Variants in RELN observed in about 807,000 individuals in gnomAD.
RELN encodes the protein reelin.
Under a neutral mutation model 427.6 loss-of-function variants are expected in RELN, and 108 were observed. That is an observed-to-expected ratio of 0.25 (90% CI 0.22 to 0.30). The LOEUF (loss-of-function observed/expected upper bound fraction) is 0.30, where lower values mean the gene tolerates loss of function less well. Ranked by LOEUF, RELN falls within the 10% of genes least tolerant of loss-of-function variation. The pLI is 1.00. For synonymous variants in RELN, 1,524 were observed against 1,513.4 expected, an observed-to-expected ratio of 1.01 and a Z score of -0.16; for missense variants, 3,715 against 4,302.8, an observed-to-expected ratio of 0.86 and a Z score of 3.82.
chr7:103,556,773 C>A (rs1051469360), intron 38 of RELN, among the ~76,000 whole-genome samples: 3 of 152,194 alleles, frequency 2.0e-5, no homozygotes, highest in Non-Finnish European at 2.9e-5. Flanking sequence ...TCCGATTAAA[C>A]CTCTTTTTCT....
chr7:103,485,229 CAAAAAA>C (rs35324403), intron 61 of RELN, among the ~76,000 whole-genome samples: 2 of 96,492 alleles, frequency 2.1e-5, no homozygotes, highest in East Asian at 3.0e-4. Flanking sequence ...TTTGGCAGGC[CAAAAAA>C]AAAAAAAAAA....
At chr7:103,850,662 A>G (rs28803202) in intron 2 of RELN, among the ~76,000 whole-genome samples, 21,456 of 152,122 alleles carry the variant, frequency 0.14, 1,715 homozygotes, top group East Asian at 0.29. Flanking sequence ...AAGAACTAAA[A>G]CCTCTTTCTT....
Position 103,565,946 on chromosome 7 carries a change from A to G in RELN, c.4936+278T>C, listed in dbSNP as rs201209835. Among the ~76,000 whole-genome samples, 21 of 147,568 alleles carry G rather than the reference A, an allele frequency of 1.4e-4. No homozygotes were observed. The East Asian group carries it at 4.0e-3, about 28-fold the overall frequency. On this transcript the variant is annotated intron_variant, in intron 33 of 64. Coordinates refer to ENST00000428762, the MANE Select transcript of RELN (RefSeq NM_005045.4). ...TTAAACATAGAGTCTTAAGTCTACA[A>G]GTTATGAAACATAGGAATGTCCTCT...
At chr7:103,934,171 C>G (rs1795927618) in intron 1 of RELN, among the ~76,000 whole-genome samples, 1 of 152,174 alleles carries the variant, frequency 6.6e-6, no homozygotes, top group Non-Finnish European at 1.5e-5. Flanking sequence ...ATCTAGGAGA[C>G]AGAGTACTGT....
At chr7:103,564,551 A>G (rs951238599) in intron 34 of RELN, among the ~76,000 whole-genome samples, 2 of 152,216 alleles carry the variant, frequency 1.3e-5, no homozygotes, top group African/African-American at 2.4e-5. Flanking sequence ...CACTTGAGGC[A>G]GAAAGAGGGG....
In RELN at chr7:103,919,919, A is replaced by G. The variant is rs1795575358; in HGVS notation, c.227-2734T>C. ...TGAATGTAAAATTATTTAAATATGT[A>G]TATGAACTAGAAGGAAACTTATAAC... On this transcript the variant is annotated intron_variant, in intron 1 of 64. Coordinates refer to ENST00000428762, the MANE Select transcript of RELN (RefSeq NM_005045.4). Among the ~76,000 whole-genome samples, 3 of 152,228 alleles carry G rather than the reference A, an allele frequency of 2.0e-5. No homozygotes were observed. The South Asian group carries it at 6.2e-4, about 31-fold the overall frequency.
At chr7:103,633,018 A>G (rs1006959231) in intron 19 of RELN, among the ~76,000 whole-genome samples, 6 of 152,278 alleles carry the variant, frequency 3.9e-5, no homozygotes, top group South Asian at 2.1e-4. Context: ...AAAAATACCA[A>G]TTAGTTCACA....
At chr7:103,658,936 T>G (rs143758493) in intron 12 of RELN, among the ~76,000 whole-genome samples, 1 of 151,980 alleles carries the variant, frequency 6.6e-6, no homozygotes, top group Admixed American at 6.6e-5. Context: ...ATGTTCTTTC[T>G]CAGTCTCCTT....
At chr7:103,652,511 C>T (rs199938334) in intron 14 of RELN, 40 bp downstream of exon 14, 633 of 1,534,726 alleles carry the variant, frequency 4.1e-4, no homozygotes, top group Non-Finnish European at 5.3e-4. Context: ...TCTGCAAACT[C>T]ATTTTTAGTT....
chr7:103,599,351 G>C (rs994923815), intron 24 of RELN, among the ~76,000 whole-genome samples: 1 of 152,074 alleles, frequency 6.6e-6, no homozygotes, highest in Non-Finnish European at 1.5e-5. Context: ...ACTTCTGGCA[G>C]AGACAGGAAT....
At position 103,976,340 on chromosome 7, in the gene RELN, T is replaced by A. The variant is rs572972969; in HGVS notation, c.226+12791A>T. 2.0e-5 allele frequency among the ~76,000 whole-genome samples: 3 copies of A among 152,300 alleles called. No homozygotes were observed. In the East Asian group the frequency reaches 5.8e-4, roughly 29 times the overall value. ...GGTGTAGACCAGAGGAGTGGCATCG[T>A]CTTGGCTTTTAGCAGAGCACCCAGG... is the stretch of plus-strand genomic sequence containing the variant. On this transcript the variant is annotated intron_variant, in intron 1 of 64. Transcript: ENST00000428762.
intron 40 of RELN, among the ~76,000 whole-genome samples, chr7:103,551,662 C>A (rs868109779): frequency 2.0e-4 from 30 of 152,098 alleles, no homozygotes; most frequent in African/African-American, 7.2e-4. Flanking sequence ...AGCTTCCCCC[C>A]CATCTAGGTA....
At chr7:103,591,894 T>C (rs866649480) in intron 27 of RELN, among the ~76,000 whole-genome samples, 4 of 152,308 alleles carry the variant, frequency 2.6e-5, no homozygotes, top group Middle Eastern at 3.4e-3. Context: ...GTACCTTCTA[T>C]GGATCAGATA....
intron 11 of RELN, among the ~76,000 whole-genome samples, chr7:103,669,397 T>C (rs761390599): frequency 6.6e-6 from 1 of 152,182 alleles, no homozygotes; most frequent in Non-Finnish European, 1.5e-5. Flanking sequence ...CATTCTTTCA[T>C]GAATTTGTGT....
intron 45 of RELN, among the ~76,000 whole-genome samples, 198 bp downstream of exon 45, chr7:103,538,880 T>C (rs149041624): frequency 1.0e-3 from 153 of 152,340 alleles, no homozygotes; most frequent in African/African-American, 3.6e-3. Context: ...TCACATTCTA[T>C]TGCTTTCAAA....
At chr7:103,903,605 G>A (rs192273618) in intron 2 of RELN, among the ~76,000 whole-genome samples, 1 of 151,988 alleles carries the variant, frequency 6.6e-6, no homozygotes, top group Non-Finnish European at 1.5e-5. Context: ...AAGCTTAGTG[G>A]CAACTTCTGT....
At chr7:103,796,901 A>C (rs1792315565) in intron 3 of RELN, among the ~76,000 whole-genome samples, 2 of 138,318 alleles carry the variant, frequency 1.4e-5, no homozygotes, top group Admixed American at 7.1e-5. Flanking sequence ...AAAAGAAAGA[A>C]AGAAAAAGAA....
intron 28 of RELN, among the ~76,000 whole-genome samples, chr7:103,587,040 T>C (rs1831289504): frequency 6.6e-6 from 1 of 152,028 alleles, no homozygotes; most frequent in Admixed American, 6.6e-5. Context: ...AACCCTAAAA[T>C]TCACATAGAA....
intron 6 of RELN, among the ~76,000 whole-genome samples, chr7:103,742,410 G>C (rs184240053): frequency 1.4e-4 from 22 of 152,318 alleles, no homozygotes; most frequent in African/African-American, 5.1e-4. Context: ...AACAAAACTG[G>C]ATGGAGAATG....
Sources: allele counts gnomAD v4.1 joint callset (sites outside exome capture counted in the v4.1 genomes callset), GRCh38; gene constraint gnomAD v4.1.1; transcripts MANE v1.5; gene names NCBI Gene and HGNC (gene_info 2026-07-23, HGNC 2026-07-21).